ASMTL: variants seen among roughly 807,000 people sequenced by gnomAD.
ASMTL encodes probable bifunctional dTTP/UTP pyrophosphatase/methyltransferase protein.
ASMTL carries 57 observed loss-of-function variants against 60.3 expected under a neutral mutation model. The observed-to-expected ratio is 0.95, with a 90% CI of 0.76 to 1.18. The LOEUF is 1.18. Among genes scored for constraint, ASMTL ranks in the 50% most tolerant of loss-of-function variants. The probability of loss-of-function intolerance (pLI) is 0.00; values close to 1 mark genes in which losing one functional copy is unlikely to be tolerated. For synonymous variants in ASMTL, 419 were observed against 373.0 expected (o/e 1.12, Z -1.42); for missense variants, 981 against 852.6 (o/e 1.15, Z -1.88).
intron 6 of ASMTL, among the ~76,000 whole-genome samples, chrX:1,428,753 A>G (rs1350256648): frequency 2.0e-5 from 3 of 147,372 alleles, no homozygotes; most frequent in Non-Finnish European, 4.4e-5. Flanking sequence ...TCAGCATCTC[A>G]TCTACGAATT....
In ASMTL at chrX:1,417,130, GAC is replaced by G. The variant is rs1226710726; in HGVS notation, c.1522+841_1522+842del. ...AAGCACACCCAGACACATGCACACAGACACACAACCACAGCAGTCACATATGC... is the reference window on the plus strand; with the variant it reads ...AAGCACACCCAGACACATGCACACAGACACAACCACAGCAGTCACATATGC... On this transcript the variant is annotated intron_variant, in intron 11 of 12. Coordinates refer to ENST00000381317, the MANE Select transcript of ASMTL (RefSeq NM_004192.4). Among the ~76,000 whole-genome samples, 5 of 150,376 alleles carry G rather than the reference GAC, an allele frequency of 3.3e-5. No individual in the cohort carries two copies. In the Admixed American group the frequency reaches 3.3e-4, roughly 10 times the overall value.
intron 12 of ASMTL, among the ~76,000 whole-genome samples, chrX:1,412,498 G>C (rs1334158792): frequency 6.6e-6 from 1 of 152,166 alleles, no homozygotes; most frequent in Non-Finnish European, 1.5e-5. Context: ...AAAGTGCTGG[G>C]ATTATAGGCA....
In ASMTL at chrX:1,442,199, T is replaced by C. The variant is rs200883990; in HGVS notation, c.212A>G (p.Asn71Ser). The change falls in exon 2 of 13, where the codon AAC becomes AGC. Residue 71 changes from asparagine (N) to serine (S), a missense_variant. Transcript: ENST00000381317. ...TAKQKALEVA[N>S]RLYQKDLRAP... ...GGGGCCCCTTGCCTGGTACAGCCGGTTGGCCACCTCCAGGGCCTTCTGCTT... is the reference window on the plus strand; with the variant it reads ...GGGGCCCCTTGCCTGGTACAGCCGGCTGGCCACCTCCAGGGCCTTCTGCTT... 49 of 1,613,638 alleles carry C rather than the reference T, an allele frequency of 3.0e-5. No homozygotes were observed. The highest frequency in any genetic ancestry group is 3.7e-5 in the Non-Finnish European group (44 of 1,179,864).
chrX:1,452,921 G>A (rs1344804946), upstream of ASMTL: 15 of 1,150,280 alleles, frequency 1.3e-5, no homozygotes, highest in Middle Eastern at 5.7e-4. Flanking sequence ...AAAAAAAACA[G>A]GCGGCCAGAG....
rs763465871 is a variant in ASMTL, at chrX:1,418,098, G to A, written c.1397C>T (p.Ala466Val). 1.2e-6 allele frequency: 2 copies of A among 1,610,150 alleles called. No homozygotes were observed. The highest frequency in any genetic ancestry group is 2.7e-5 in the African/African-American group (2 of 74,974). Residue 466 changes from alanine (A) to valine (V), a missense_variant, in exon 11 of 13, where the codon GCC becomes GTC. By Grantham distance (64) the Ala-to-Val change is moderately conservative. Transcript: ENST00000381317. ...CDVGGCTGAL[A>V]RELAREYPRM... is the part of the protein sequence containing the mutation. ...AGGGTACTCACGGGCCAGCTCTCGGGCCAGTGCACCCGTGCAGCCTGCGGG... is the reference window on the plus strand; with the variant it reads ...AGGGTACTCACGGGCCAGCTCTCGGACCAGTGCACCCGTGCAGCCTGCGGG...
chrX:1,425,501 G>A, intron 8 of ASMTL, 24 bp downstream of exon 8: 4 of 1,604,392 alleles, frequency 2.5e-6, no homozygotes, highest in Non-Finnish European at 3.4e-6. Context: ...GATCCTCAGA[G>A]CAAAACCCGC....
At chrX:1,449,803 TCTCCCATCAACAGTAACTATC>T (rs1176405586) in intron 1 of ASMTL, among the ~76,000 whole-genome samples, 5 of 110,756 alleles carry the variant, frequency 4.5e-5, no homozygotes, top group African/African-American at 2.0e-4. Flanking sequence ...CCAGTAACTA[TCTCCCATCAACAGTAACTATC>T]CTCCCATCAC....
intron 11 of ASMTL, 187 bp from the exon 12 acceptor site, chrX:1,413,041 GTGATGTCA>G: frequency 1.5e-6 from 1 of 654,486 alleles, no homozygotes. Context: ...GAGCTGGTTA[GTGATGTCA>G]CGCCCGTGCG....
At chrX:1,420,177 G>A (rs757160497) in intron 9 of ASMTL, among the ~76,000 whole-genome samples, 35 of 149,222 alleles carry the variant, frequency 2.3e-4, no homozygotes, top group African/African-American at 6.4e-4. Flanking sequence ...CTCTGTCTCC[G>A]CCTCCCTCTG....
chrX:1,410,321 G>A (rs1400685336), intron 12 of ASMTL, among the ~76,000 whole-genome samples: 4 of 150,568 alleles, frequency 2.7e-5, no homozygotes, highest in South Asian at 2.1e-4. Context: ...CAGGAGGATC[G>A]CTTGAGCCCA....
chrX:1,439,015 A>G (rs2091042815), intron 3 of ASMTL, 82 bp downstream of exon 3: 1 of 1,439,760 alleles, frequency 6.9e-7, no homozygotes. Context: ...AGGGGAATGT[A>G]CAACATCCAC....
intron 3 of ASMTL, among the ~76,000 whole-genome samples, chrX:1,436,886 T>G (rs751102592): frequency 1.3e-5 from 2 of 152,338 alleles, no homozygotes; most frequent in African/African-American, 4.8e-5. Flanking sequence ...AGCAAAGTCC[T>G]ACAACCCAGG....
intron 4 of ASMTL, 192 bp downstream of exon 4, chrX:1,435,502 T>C (rs1461486551): frequency 1.5e-6 from 1 of 654,900 alleles, no homozygotes; most frequent in Admixed American, 2.4e-5. Flanking sequence ...TGCTGCAGAA[T>C]CCTAGACAAG....
intron 2 of ASMTL, 92 bp from the exon 3 acceptor site, chrX:1,439,236 A>G: frequency 7.2e-7 from 1 of 1,387,824 alleles, no homozygotes; most frequent in Non-Finnish European, 1.0e-6. Flanking sequence ...AGAGCACCGC[A>G]GGGGCGAAGC....
chrX:1,439,598 G>C (rs1228243259), intron 2 of ASMTL, among the ~76,000 whole-genome samples: 1 of 152,146 alleles, frequency 6.6e-6, no homozygotes, highest in African/African-American at 2.4e-5. Flanking sequence ...TGTCATCCCA[G>C]CACTCTGGGA....
In ASMTL at chrX:1,419,126, C is replaced by A; in HGVS notation, c.1246-12G>T. ...TGGTAGTACGCATCCTGGAACACAG[C>A]AGGTGCTTAGGGGCACCAGAGAACA... On this transcript the variant is annotated splice_polypyrimidine_tract_variant and intron_variant, in intron 9 of 12. Coordinates refer to ENST00000381317, the MANE Select transcript of ASMTL (RefSeq NM_004192.4). 6.2e-7 allele frequency: 1 copy of A among 1,610,476 alleles called. No homozygotes were observed. The highest frequency in any genetic ancestry group is 1.1e-5 in the South Asian group (1 of 90,684).
intron 12 of ASMTL, among the ~76,000 whole-genome samples, chrX:1,404,625 G>C (rs1335189352): frequency 6.7e-6 from 1 of 150,076 alleles, no homozygotes; most frequent in Non-Finnish European, 1.5e-5. Context: ...GTAGACGAAT[G>C]GACGGATAGA....
intron 11 of ASMTL, chrX:1,413,668 G>C (rs1349876128): frequency 1.8e-4 from 27 of 152,472 alleles, no homozygotes; most frequent in African/African-American, 6.3e-4. Flanking sequence ...TCTGGAAATA[G>C]GGTCTCTATG....
intron 2 of ASMTL, among the ~76,000 whole-genome samples, chrX:1,439,540 T>C (rs1296704822): frequency 1.3e-5 from 2 of 152,158 alleles, no homozygotes; most frequent in Non-Finnish European, 2.9e-5. Flanking sequence ...ATCCGTTCAA[T>C]GTAATTTCAG....
Sources: gnomAD v4.1 joint callset for allele counts (sites outside exome capture counted in the v4.1 genomes callset) on GRCh38, gnomAD v4.1.1 for gene constraint, MANE v1.5 for transcripts, NCBI Gene and HGNC (gene_info 2026-07-23, HGNC 2026-07-21) for gene names.